Variants in LRP1B observed in about 807,000 individuals in gnomAD.
The protein encoded by LRP1B is low-density lipoprotein receptor-related protein 1B.
In LRP1B, 217 loss-of-function variants were observed where a neutral mutation model predicts 556.6. The observed-to-expected ratio is 0.39, with a 90% CI of 0.35 to 0.44. LRP1B has a LOEUF of 0.44. Ranked by LOEUF, LRP1B falls within the 20% of genes least tolerant of loss-of-function variation. LRP1B has a pLI of 1.00. For synonymous variants in LRP1B, 2,047 were observed against 1,865.8 expected, an observed-to-expected ratio of 1.10 and a Z score of -2.50; for missense variants, 5,053 against 5,620.8, an observed-to-expected ratio of 0.90 and a Z score of 3.23.
At chr2:141,230,185 TAG>T (rs1683406854) in intron 5 of LRP1B, among the ~76,000 whole-genome samples, 1 of 152,214 alleles carries the variant, frequency 6.6e-6, no homozygotes, top group African/African-American at 2.4e-5. Context: ...TTCGTGTTGA[TAG>T]AGTTTAGCTA....
At chr2:141,802,897 A>G (rs1696053249) in intron 2 of LRP1B, among the ~76,000 whole-genome samples, 1 of 152,126 alleles carries the variant, frequency 6.6e-6, no homozygotes, top group Non-Finnish European at 1.5e-5. Flanking sequence ...CTCAGTCTTC[A>G]GCTTTGTCCC....
intron 7 of LRP1B, among the ~76,000 whole-genome samples, chr2:141,175,367 C>T (rs183898358): frequency 4.2e-4 from 64 of 152,200 alleles, no homozygotes; most frequent in Non-Finnish European, 7.5e-4. Context: ...AAAGTGGTTC[C>T]ACCCAGAGCC....
At chr2:141,858,998 G>A (rs1220390859) in intron 1 of LRP1B, among the ~76,000 whole-genome samples, 2 of 152,096 alleles carry the variant, frequency 1.3e-5, no homozygotes, top group East Asian at 3.9e-4. Context: ...TTTCTAGCAA[G>A]GCCATCAGTC....
intron 3 of LRP1B, among the ~76,000 whole-genome samples, chr2:141,268,408 G>A (rs1486619827): frequency 6.6e-6 from 1 of 152,100 alleles, no homozygotes; most frequent in African/African-American, 2.4e-5. Context: ...CTAAGCCAGA[G>A]GTTGAAGATA....
At chr2:140,845,234 C>T (rs1260851370) in intron 29 of LRP1B, among the ~76,000 whole-genome samples, 1 of 152,150 alleles carries the variant, frequency 6.6e-6, no homozygotes, top group African/African-American at 2.4e-5. Context: ...GAGAAATCCA[C>T]TGTGCTAGTA....
chr2:140,957,334 T>C (rs1695902952), intron 18 of LRP1B, among the ~76,000 whole-genome samples: 2 of 151,420 alleles, frequency 1.3e-5, no homozygotes, highest in African/African-American at 4.8e-5. Context: ...GTATATACAA[T>C]GTTTGAGAAA....
rs1361498973 is a variant in LRP1B at position 142,115,849 on chromosome 2, TATATAC to T, written c.82+14793_82+14798del. Among the ~76,000 whole-genome samples, 2 of 9,964 alleles carry T rather than the reference TATATAC, an allele frequency of 2.0e-4. 1 individual carries two copies. Among genetic ancestry groups the T allele is most frequent in the African/African-American group, 7.1e-4 (2 of 2,834 alleles). 6.5% of individuals were successfully genotyped at this position (9,964 alleles called of 152,430 possible). A position where few individuals can be genotyped will look rare whatever the true frequency, so the allele number is the denominator to read the frequency against. On this transcript the variant is annotated intron_variant, in intron 1 of 90. Transcript: ENST00000389484. Reference sequence around the variant, plus strand: ...ATATATCATATATATGTAATATATATATATACATATATATATATATGGGGGAAGTGA... The same window carrying T: ...ATATATCATATATATGTAATATATATATATATATATATATGGGGGAAGTGA...
intron 1 of LRP1B, among the ~76,000 whole-genome samples, chr2:141,890,298 G>A (rs1699243214): frequency 9.0e-6 from 1 of 110,932 alleles, no homozygotes; most frequent in Admixed American, 9.9e-5. Context: ...TTAGCACAGT[G>A]GCTGTCACAG....
At chr2:140,718,603 G>A (rs1687291395) in intron 35 of LRP1B, among the ~76,000 whole-genome samples, 1 of 151,778 alleles carries the variant, frequency 6.6e-6, no homozygotes. Context: ...AAGTTAGAAT[G>A]GAGAAATTCC....
intron 2 of LRP1B, among the ~76,000 whole-genome samples, chr2:141,551,311 G>A (rs1336426683): frequency 6.6e-6 from 1 of 151,606 alleles, no homozygotes; most frequent in Non-Finnish European, 1.5e-5. Context: ...TTTTACAATA[G>A]TCCAAGGTTA....
intron 2 of LRP1B, among the ~76,000 whole-genome samples, chr2:141,492,079 G>GAAAAAAAAAAAA (rs1553521014): frequency 9.7e-3 from 78 of 8,020 alleles, no homozygotes; most frequent in South Asian, 0.019. Context: ...TTAGCTTTCT[G>GAAAAAAAAAAAA]AAAAAAAAAA....
At chr2:140,377,725 C>G (rs1683296865) in intron 68 of LRP1B, among the ~76,000 whole-genome samples, 2 of 152,148 alleles carry the variant, frequency 1.3e-5, no homozygotes, top group Admixed American at 6.5e-5. Context: ...ATCACCGAAG[C>G]AAAGCTCAAC....
intron 35 of LRP1B, among the ~76,000 whole-genome samples, chr2:140,732,023 C>A (rs1330619757): frequency 6.6e-6 from 1 of 152,038 alleles, no homozygotes; most frequent in Non-Finnish European, 1.5e-5. Flanking sequence ...GCAAGCCATA[C>A]ACCAAAAGAT....
At chr2:142,026,307 C>A (rs1348921979) in intron 1 of LRP1B, among the ~76,000 whole-genome samples, 1 of 152,018 alleles carries the variant, frequency 6.6e-6, no homozygotes, top group African/African-American at 2.4e-5. Flanking sequence ...CCATTTTTCT[C>A]TCTCAGCTTA....
intron 2 of LRP1B, among the ~76,000 whole-genome samples, chr2:141,575,754 A>T (rs578202986): frequency 2.8e-4 from 40 of 144,638 alleles, no homozygotes; most frequent in Admixed American, 2.4e-3. Flanking sequence ...ATTTACAATT[A>T]AAAAAAAAAA....
intron 6 of LRP1B, among the ~76,000 whole-genome samples, chr2:141,212,579 G>T (rs180915359): frequency 6.6e-6 from 1 of 151,296 alleles, no homozygotes; most frequent in Non-Finnish European, 1.5e-5. Context: ...CGACCATGCC[G>T]GCCAAAAAGT....
At chr2:140,869,266 T>C (rs1480680050) in intron 25 of LRP1B, among the ~76,000 whole-genome samples, 4 of 152,150 alleles carry the variant, frequency 2.6e-5, no homozygotes, top group African/African-American at 7.2e-5. Flanking sequence ...CTAGTATGCA[T>C]GTACTTTATT....
At chr2:140,564,814 GTTA>G (rs957536279) in intron 43 of LRP1B, among the ~76,000 whole-genome samples, 5 of 152,070 alleles carry the variant, frequency 3.3e-5, no homozygotes, top group Non-Finnish European at 7.4e-5. Flanking sequence ...GAAGCTCTTT[GTTA>G]TAAAAGTATT....
chr2:141,223,042 T>A (rs1054647899), intron 6 of LRP1B, among the ~76,000 whole-genome samples: 1 of 152,128 alleles, frequency 6.6e-6, no homozygotes, highest in Non-Finnish European at 1.5e-5. Flanking sequence ...GCCAGGGCAA[T>A]CAGGCAAGAG....
Sources: allele counts gnomAD v4.1 joint callset (sites outside exome capture counted in the v4.1 genomes callset), GRCh38; gene constraint gnomAD v4.1.1; transcripts MANE v1.5; gene names NCBI Gene and HGNC (gene_info 2026-07-23, HGNC 2026-07-21).